Variants in FAP observed in about 807,000 individuals in gnomAD.
FAP encodes the protein fibroblast activation protein alpha, also known as prolyl endopeptidase FAP.
Under a neutral mutation model 126.5 loss-of-function variants are expected in FAP, and 110 were observed. The observed-to-expected ratio is 0.87, with a 90% confidence interval of 0.74 to 1.02. FAP has a LOEUF of 1.02. Among genes scored for constraint, FAP ranks in the 50% least tolerant of loss-of-function variants. The pLI is 0.00. For synonymous variants in FAP, 334 were observed against 297.3 expected, an observed-to-expected ratio of 1.12 and a Z score of -1.27; for missense variants, 919 against 909.2, an observed-to-expected ratio of 1.01 and a Z score of -0.14.
Position 162,189,800 on chromosome 2 carries a change from A to G in FAP, c.1451-46T>C, listed in dbSNP as rs770682153. ...ATTTTTAATCAATAGTATTTCCATA[A>G]ACAATTTTTTTCCTTAAAATTCCTT... On this transcript the variant is annotated intron_variant, in intron 17 of 25. Transcript: ENST00000188790. The G allele has an allele frequency of 8.6e-6, 10 of 1,169,326 alleles. No homozygotes were observed. The East Asian group carries it at 9.7e-5, about 11-fold the overall frequency. 72.4% of individuals were successfully genotyped at this position (1,169,326 alleles called of 1,614,324 possible).
intron 25 of FAP, 58 bp from the exon 26 acceptor site, chr2:162,171,138 T>G: frequency 7.4e-7 from 1 of 1,353,518 alleles, no homozygotes; most frequent in Non-Finnish European, 1.1e-6. Context: ...GCATTTAGCT[T>G]GGACTTTTTT....
At position 162,215,926 on chromosome 2, in the gene FAP, C is replaced by T. The variant is rs202142356; in HGVS notation, c.838G>A (p.Val280Met). ...GAGGCTATCATTGCTGGAACAGGCA[C>T]TTCCTGGGGACCTACATACGCAGGG... is the stretch of plus-strand genomic sequence containing the variant. ...TYPAYVGPQE[V>M]PVPAMIASSD... is the part of the protein sequence containing the mutation. The change falls in exon 10 of 26, where the codon GTG becomes ATG. Residue 280 changes from valine (V) to methionine (M), a missense_variant. Coordinates refer to ENST00000188790, the MANE Select transcript of FAP (RefSeq NM_004460.5). 1.2e-6 allele frequency: 2 copies of T among 1,613,992 alleles called. No homozygotes were observed. Among genetic ancestry groups the T allele is most frequent in the Non-Finnish European group, 8.5e-7 (1 of 1,179,876 alleles).
At chr2:162,194,581 C>A (rs1230846134) in intron 17 of FAP, 120 bp downstream of exon 17, 2 of 808,338 alleles carry the variant, frequency 2.5e-6, no homozygotes, top group Admixed American at 1.9e-5. Flanking sequence ...GATGTGATAA[C>A]AGGATTCCAT....
intron 2 of FAP, among the ~76,000 whole-genome samples, chr2:162,238,411 A>C (rs1690223835): frequency 6.6e-6 from 1 of 152,212 alleles, no homozygotes; most frequent in African/African-American, 2.4e-5. Flanking sequence ...CATTGTGAGA[A>C]TCATACAAAG....
chr2:162,211,628 G>A (rs887339066), intron 11 of FAP, among the ~76,000 whole-genome samples: 1 of 152,140 alleles, frequency 6.6e-6, no homozygotes, highest in Non-Finnish European at 1.5e-5. Flanking sequence ...ATGCCTCAGA[G>A]AGAACAAGTA....
chr2:162,238,679 CTG>C (rs1690232326), intron 2 of FAP, among the ~76,000 whole-genome samples: 1 of 152,154 alleles, frequency 6.6e-6, no homozygotes. Context: ...TTGAGGGACT[CTG>C]TTTCATAGAC....
At chr2:162,212,515 T>C (rs1688982463) in intron 11 of FAP, among the ~76,000 whole-genome samples, 1 of 152,160 alleles carries the variant, frequency 6.6e-6, no homozygotes, top group Admixed American at 6.5e-5. Context: ...TCAAAATTAG[T>C]CGAGCCTCTC....
chr2:162,182,996 G>C (rs558427198), intron 21 of FAP, among the ~76,000 whole-genome samples: 2 of 152,202 alleles, frequency 1.3e-5, no homozygotes, highest in South Asian at 4.1e-4. Flanking sequence ...TGACTGCTAG[G>C]CTAGGTACTA....
At chr2:162,236,275 C>A (rs1052232358) in intron 2 of FAP, among the ~76,000 whole-genome samples, 3 of 152,156 alleles carry the variant, frequency 2.0e-5, no homozygotes, top group African/African-American at 7.2e-5. Flanking sequence ...CTTCTTGTGA[C>A]ATCTTTGGTT....
chr2:162,228,860 A>C (rs964981364), intron 2 of FAP, among the ~76,000 whole-genome samples: 2 of 152,166 alleles, frequency 1.3e-5, no homozygotes, highest in Non-Finnish European at 2.9e-5. Flanking sequence ...TTGCAATCTG[A>C]TTCTAATGTA....
chr2:162,218,157 A>C lies in FAP; in HGVS notation c.608-17T>G. On this transcript the variant is annotated splice_polypyrimidine_tract_variant and intron_variant, in intron 8 of 25. Coordinates refer to ENST00000188790, the MANE Select transcript of FAP (RefSeq NM_004460.5). The stretch of plus-strand genomic sequence containing the variant: ...GCATTTCCTCTGAAAAATAAGTACT[A>C]GGATATTAACTATAATTACATCTTA... The C allele has an allele frequency of 6.5e-7, 1 of 1,547,608 alleles. No individual in the cohort carries two copies.
chr2:162,214,995 T>C (rs1327351419), intron 10 of FAP, among the ~76,000 whole-genome samples: 1 of 152,144 alleles, frequency 6.6e-6, no homozygotes, highest in Non-Finnish European at 1.5e-5. Context: ...CCTTGTGTTA[T>C]GCTCATTTCA....
At chr2:162,221,345 T>A (rs977907) in intron 6 of FAP, among the ~76,000 whole-genome samples, 4,994 of 151,974 alleles carry the variant, frequency 0.033, 120 homozygotes, top group Admixed American at 0.059. Context: ...GCCTGGCCAA[T>A]ATGGAGAAAC....
In FAP at chr2:162,203,128, T is replaced by C. The variant is rs1244186154; in HGVS notation, c.1065A>G (p.Pro355=). 3 of 1,611,626 alleles carry C rather than the reference T, an allele frequency of 1.9e-6. No individual in the cohort carries two copies. The highest frequency in any genetic ancestry group is 2.2e-5 in the East Asian group (1 of 44,852). The change falls in exon 13 of 26, where the codon CCA becomes CCG. Residue 355 remains proline, a synonymous_variant. Coordinates refer to ENST00000188790, the MANE Select transcript of FAP (RefSeq NM_004460.5). The part of the protein sequence containing the change: ...GWAGGFFVST[P]VFSYDAISYY... Reference sequence around the variant, plus strand: ...ACGAAATGGCATCATAGCTGAAAACTGGTGTTGAAACAAAGAACTGAAAAA... The same window carrying C: ...ACGAAATGGCATCATAGCTGAAAACCGGTGTTGAAACAAAGAACTGAAAAA...
chr2:162,216,071 G>A (rs886465808), intron 9 of FAP, 70 bp from the exon 10 acceptor site: 1 of 1,115,848 alleles, frequency 9.0e-7, no homozygotes, highest in African/African-American at 1.6e-5. Context: ...AGAAACTTTA[G>A]GAATTTAGAT....
intron 4 of FAP, among the ~76,000 whole-genome samples, chr2:162,225,100 G>A (rs541897164): frequency 6.6e-6 from 1 of 152,194 alleles, no homozygotes; most frequent in African/African-American, 2.4e-5. Flanking sequence ...AACCAAAAGA[G>A]GCATTATTAT....
chr2:162,226,682 T>G, intron 2 of FAP, 61 bp from the exon 3 acceptor site: 1 of 907,838 alleles, frequency 1.1e-6, no homozygotes, highest in South Asian at 1.5e-5. Flanking sequence ...AAATAAATTC[T>G]AAGCCTGGCC....
chr2:162,211,464 T>C (rs1447033454), intron 11 of FAP, among the ~76,000 whole-genome samples: 3 of 152,122 alleles, frequency 2.0e-5, no homozygotes, highest in Non-Finnish European at 2.9e-5. Context: ...TGGAGAATAA[T>C]AAGATTTCTA....
intron 21 of FAP, among the ~76,000 whole-genome samples, chr2:162,179,796 A>C (rs866734523): frequency 0.033 from 4,191 of 128,054 alleles, 79 homozygotes; most frequent in South Asian, 0.061. Flanking sequence ...CTATCTATAT[A>C]TATATATATA....
Sources: gnomAD v4.1 joint callset for allele counts (sites outside exome capture counted in the v4.1 genomes callset) on GRCh38, gnomAD v4.1.1 for gene constraint, MANE v1.5 for transcripts, NCBI Gene and HGNC (gene_info 2026-07-23, HGNC 2026-07-21) for gene names.